The following SLFN12 variants were observed in gnomAD, a reference collection of about 807,000 sequenced individuals.
SLFN12 encodes the protein schlafen family member 12, also known as ribonuclease SLFN12.
SLFN12 carries 25 observed loss-of-function variants against 29.1 expected under a neutral mutation model. That is an observed-to-expected ratio of 0.86 (90% confidence interval 0.63 to 1.20). The LOEUF (loss-of-function observed/expected upper bound fraction) is 1.20, where lower values mean the gene tolerates loss of function less well. Ranked by LOEUF, SLFN12 falls within the 50% of genes most tolerant of loss-of-function variation. The probability of loss-of-function intolerance (pLI) is 0.00; values close to 1 mark genes in which losing one functional copy is unlikely to be tolerated. For missense variants in SLFN12, 660 were observed against 666.2 expected, an observed-to-expected ratio of 0.99 and a Z score of 0.10; for synonymous variants, 257 against 238.7, an observed-to-expected ratio of 1.08 and a Z score of -0.71.
At chr17:35,412,404 G>A (rs181871338) in intron 3 of SLFN12, among the ~76,000 whole-genome samples, 2 of 152,162 alleles carry the variant, frequency 1.3e-5, no homozygotes, top group East Asian at 3.9e-4. Flanking sequence ...AGACTAAAGA[G>A]CTGAATGTAA....
intron 1 of SLFN12, among the ~76,000 whole-genome samples, chr17:35,431,097 C>T (rs1191961731): frequency 1.3e-5 from 2 of 152,054 alleles, no homozygotes; most frequent in Non-Finnish European, 2.9e-5. Flanking sequence ...AGAAAACATG[C>T]ATTGAAAGTG....
intron 2 of SLFN12, 108 bp from the exon 3 acceptor site, chr17:35,420,489 A>T (rs1911564146): frequency 3.3e-6 from 2 of 613,088 alleles, no homozygotes; most frequent in Admixed American, 3.7e-5. Flanking sequence ...TCTGTTTTCC[A>T]AAAAAAAATT....
intron 1 of SLFN12, among the ~76,000 whole-genome samples, chr17:35,425,837 T>C (rs1481616486): frequency 8.0e-6 from 1 of 124,274 alleles, no homozygotes; most frequent in African/African-American, 3.1e-5. Flanking sequence ...TCTTTTCTTT[T>C]CTTTTTTTTT....
intron 3 of SLFN12, among the ~76,000 whole-genome samples, chr17:35,414,653 A>G (rs1053076720): frequency 6.7e-6 from 1 of 149,212 alleles, no homozygotes; most frequent in African/African-American, 2.6e-5. Flanking sequence ...TAGATTTGAT[A>G]AATGAATTCC....
In SLFN12 at chr17:35,422,893, G is replaced by T. The variant is rs142611693; in HGVS notation, c.136C>A (p.Arg46=). The change falls in exon 2 of 4, where the codon CGA becomes AGA. Residue 46 remains arginine (R), a synonymous_variant. Coordinates refer to ENST00000304905, the MANE Select transcript of SLFN12 (RefSeq NM_018042.5). ...GAATTGAGCAGAGCACACATAGCTC[G>T]TGAGACACTTTCATTCTGCTTTTTT... is the stretch of plus-strand genomic sequence containing the variant. ...LRKKQNESVS[R]AMCALLNSGG... is the part of the protein sequence containing the mutation. 14 of 1,613,814 alleles carry T rather than the reference G, an allele frequency of 8.7e-6. No homozygotes were observed. The highest frequency in any genetic ancestry group is 4.4e-5 in the South Asian group (4 of 91,082).
At chr17:35,421,464 A>G (rs920636585) in intron 2 of SLFN12, among the ~76,000 whole-genome samples, 1 of 151,110 alleles carries the variant, frequency 6.6e-6, no homozygotes, top group Non-Finnish European at 1.5e-5. Context: ...TACTAAAAGT[A>G]GATGATGTGC....
chr17:35,420,955 C>G (rs2142039504), intron 2 of SLFN12: 1 of 152,322 alleles, frequency 6.6e-6, no homozygotes, highest in African/African-American at 2.4e-5. Context: ...CGCCTGTAAT[C>G]CCAGCACTTT....
rs138003670 is a variant in SLFN12 at position 35,422,739 on chromosome 17, A to G, written c.290T>C (p.Met97Thr). 3.3e-3 allele frequency: 5,277 copies of G among 1,614,090 alleles called. 35 individuals are homozygous for G. Among genetic ancestry groups the G allele is most frequent in the Non-Finnish European group, 3.7e-3 (4,319 of 1,179,952 alleles). Reference sequence around the variant, plus strand: ...AATCAGAAAGTAGTTACCATTCTGCATGAAGTCTAAGTACTCAGGAACAAA... The same window carrying G: ...AATCAGAAAGTAGTTACCATTCTGCGTGAAGTCTAAGTACTCAGGAACAAA... Reference protein sequence around the residue: ...LLFVPEYLDFMQNGNYFLIFV... With the variant: ...LLFVPEYLDFTQNGNYFLIFV... Residue 97 changes from methionine to threonine, a missense_variant, in exon 2 of 4, where the codon ATG becomes ACG. By Grantham distance (81) the Met-to-Thr change is moderately conservative. Transcript: ENST00000304905.
chr17:35,430,063 T>C (rs1383710293), intron 1 of SLFN12, among the ~76,000 whole-genome samples: 2 of 151,942 alleles, frequency 1.3e-5, no homozygotes, highest in Non-Finnish European at 2.9e-5. Flanking sequence ...AATTTTCTGG[T>C]AATGCTTTAA....
chr17:35,425,448 C>A (rs998868626), intron 1 of SLFN12, among the ~76,000 whole-genome samples: 4 of 152,048 alleles, frequency 2.6e-5, no homozygotes, highest in Non-Finnish European at 4.4e-5. Context: ...CCCCCAGTAA[C>A]CACTATTCTA....
chr17:35,423,053 A>G lies in SLFN12; in HGVS notation c.-25T>C. On this transcript the variant is annotated 5_prime_UTR_variant, in exon 2 of 4. Transcript: ENST00000304905. ...TTTTCCCAGCAGCTATGCAGTGTCC[A>G]AGCAGAAATTCTTTTCTGTAAAATA... 1.9e-6 allele frequency: 3 copies of G among 1,572,538 alleles called. No homozygotes were observed. The highest frequency in any genetic ancestry group is 2.6e-6 in the Non-Finnish European group (3 of 1,161,800).
In SLFN12 at chr17:35,420,262, G is replaced by A. The variant is rs1214916306; in HGVS notation, c.1147+12C>T. On this transcript the variant is annotated intron_variant, in intron 3 of 3. Transcript: ENST00000304905. ...CACACTAACAAATCCGAAGAAGCCA[G>A]AATGAAATTACCTGGACAGTGATGT... 9 of 1,590,558 alleles carry A rather than the reference G, an allele frequency of 5.7e-6. No individual in the cohort carries two copies. In the Middle Eastern group the frequency reaches 5.0e-4, roughly 88 times the overall value.
intron 2 of SLFN12, chr17:35,420,979 G>C (rs1911594510): frequency 6.6e-6 from 1 of 152,036 alleles, no homozygotes; most frequent in African/African-American, 2.4e-5. Flanking sequence ...AGGCCGAGGC[G>C]GGTGAATTGC....
At chr17:35,420,420 G>C (rs564548585) in intron 2 of SLFN12, 39 bp from the exon 3 acceptor site, 2 of 1,358,874 alleles carry the variant, frequency 1.5e-6, no homozygotes, top group Admixed American at 3.4e-5. Context: ...TTTCGCAGAA[G>C]GGAGACCCCA....
At chr17:35,411,996 A>T in intron 3 of SLFN12, 69 bp from the exon 4 acceptor site, 1 of 1,241,008 alleles carries the variant, frequency 8.1e-7, no homozygotes, top group Non-Finnish European at 1.1e-6. Flanking sequence ...ATGGCAAAGT[A>T]GCTTGTAAAA....
At chr17:35,427,788 A>C (rs1912093763) in intron 1 of SLFN12, among the ~76,000 whole-genome samples, 1 of 152,154 alleles carries the variant, frequency 6.6e-6, no homozygotes, top group South Asian at 2.1e-4. Flanking sequence ...ATTCGATATA[A>C]TTATACTAGA....
chr17:35,423,532 T>C (rs1911827075), intron 1 of SLFN12, among the ~76,000 whole-genome samples: 2 of 152,286 alleles, frequency 1.3e-5, no homozygotes, highest in Non-Finnish European at 2.9e-5. Flanking sequence ...CGTTAAGGTC[T>C]AATGACATCC....
At chr17:35,430,921 A>G (rs989114122) in intron 1 of SLFN12, among the ~76,000 whole-genome samples, 1 of 152,124 alleles carries the variant, frequency 6.6e-6, no homozygotes, top group African/African-American at 2.4e-5. Context: ...AAAGAATTTA[A>G]AGTCTGTTGT....
intron 1 of SLFN12, among the ~76,000 whole-genome samples, chr17:35,425,576 T>C (rs1276231059): frequency 2.0e-5 from 3 of 152,042 alleles, no homozygotes; most frequent in Non-Finnish European, 2.9e-5. Flanking sequence ...GATTCATCCA[T>C]GTTATCAAAA....
Sources: allele counts gnomAD v4.1 joint callset (sites outside exome capture counted in the v4.1 genomes callset), GRCh38; gene constraint gnomAD v4.1.1; transcripts MANE v1.5; gene names NCBI Gene and HGNC (gene_info 2026-07-23, HGNC 2026-07-21).